The following DENND1B variants were observed in gnomAD, a reference collection of about 807,000 sequenced individuals.
DENND1B encodes the protein DENN domain-containing protein 1B.
Under a neutral mutation model 90.1 loss-of-function variants are expected in DENND1B, and 59 were observed. The ratio of observed to expected loss-of-function variants is 0.65; its 90% CI spans 0.53 to 0.81. The LOEUF (loss-of-function observed/expected upper bound fraction) is 0.81. DENND1B is among the 40% of genes least tolerant of loss of function. The pLI, the probability that DENND1B is intolerant of heterozygous loss-of-function variation, is 0.00. For synonymous variants in DENND1B, 337 were observed against 324.6 expected, an observed-to-expected ratio of 1.04 and a Z score of -0.41; for missense variants, 862 against 912.6, an observed-to-expected ratio of 0.94 and a Z score of 0.71.
intron 2 of DENND1B, among the ~76,000 whole-genome samples, chr1:197,725,285 T>C (rs1430171209): frequency 6.6e-6 from 1 of 151,960 alleles, no homozygotes; most frequent in Non-Finnish European, 1.5e-5. Flanking sequence ...ATAGCAGCAA[T>C]GGAAGCCAGA....
chr1:197,781,012 C>T, the DENND1B span, among the ~76,000 whole-genome samples: 7 of 152,122 alleles, frequency 4.6e-5, no homozygotes, highest in Non-Finnish European at 8.8e-5. Flanking sequence ...TTCATTGAAT[C>T]CTTGTAGTAA....
At chr1:197,565,871 T>G (rs1571898441) in intron 15 of DENND1B, among the ~76,000 whole-genome samples, 1 of 149,524 alleles carries the variant, frequency 6.7e-6, no homozygotes, top group East Asian at 2.0e-4. Flanking sequence ...TGCCACATTT[T>G]CTTAATCCAG....
chr1:197,570,244 A>G (rs2125730078), intron 15 of DENND1B, among the ~76,000 whole-genome samples: 1 of 151,754 alleles, frequency 6.6e-6, no homozygotes, highest in East Asian at 1.9e-4. Context: ...AAAAAAAAAA[A>G]TTTAAACCAG....
chr1:197,529,352 A>T (rs1371079183), intron 20 of DENND1B, among the ~76,000 whole-genome samples: 1 of 147,728 alleles, frequency 6.8e-6, no homozygotes, highest in African/African-American at 2.5e-5. Context: ...GTGTGTGTGC[A>T]CGCGCGCACA....
intron 20 of DENND1B, 47 bp downstream of exon 20, chr1:197,539,917 T>C (rs533148355): frequency 5.7e-6 from 8 of 1,415,922 alleles, no homozygotes; most frequent in South Asian, 1.2e-5. Flanking sequence ...ACTGGAATTA[T>C]ATAATTTGAG....
Position 197,645,407 on chromosome 1 carries a change from T to C in DENND1B, c.561+283A>G, listed in dbSNP as rs914439061. Among the ~76,000 whole-genome samples the C allele has an allele frequency of 3.9e-5, 6 of 152,182 alleles. No individual in the cohort carries two copies. In the South Asian group the frequency reaches 1.0e-3, roughly 26 times the overall value. ...AGCTGAAGACCTAATTGAATATATA[T>C]ATGATCCTACCTAATTACTACAAAT... On this transcript the variant is annotated intron_variant, in intron 9 of 22. Transcript: ENST00000620048.
intron 6 of DENND1B, among the ~76,000 whole-genome samples, chr1:197,653,372 A>G (rs1383287956): frequency 1.3e-5 from 2 of 152,118 alleles, no homozygotes; most frequent in Admixed American, 6.5e-5. Context: ...CTTTTAAACA[A>G]TGAAGTATAC....
chr1:197,582,949 G>A (rs1237869260), intron 15 of DENND1B, among the ~76,000 whole-genome samples: 3 of 152,104 alleles, frequency 2.0e-5, no homozygotes, highest in African/African-American at 7.2e-5. Context: ...CACATTTGAT[G>A]AGAAATTTTT....
At chr1:197,770,749 TATAA>T (rs1457076034) in intron 2 of DENND1B, among the ~76,000 whole-genome samples, 7 of 141,514 alleles carry the variant, frequency 4.9e-5, no homozygotes, top group Non-Finnish European at 1.1e-4. Flanking sequence ...TATATATATC[TATAA>T]ATATATATAA....
At chr1:197,578,212 C>G (rs1055843499) in intron 15 of DENND1B, among the ~76,000 whole-genome samples, 7 of 151,682 alleles carry the variant, frequency 4.6e-5, no homozygotes, top group African/African-American at 1.7e-4. Flanking sequence ...TTCAAAATTG[C>G]TAAAAGAGTA....
intron 13 of DENND1B, among the ~76,000 whole-genome samples, chr1:197,597,779 G>T (rs1187218211): frequency 6.6e-6 from 1 of 151,760 alleles, no homozygotes; most frequent in Non-Finnish European, 1.5e-5. Flanking sequence ...AATAGGAAAA[G>T]AATGTACCTG....
At chr1:197,512,346 A>G (rs983639346) in intron 21 of DENND1B, among the ~76,000 whole-genome samples, 2 of 151,738 alleles carry the variant, frequency 1.3e-5, no homozygotes, top group African/African-American at 4.8e-5. Context: ...CTTTACATAG[A>G]CAGAGATATA....
At chr1:197,594,898 G>T (rs896014621) in intron 14 of DENND1B, among the ~76,000 whole-genome samples, 6 of 152,050 alleles carry the variant, frequency 3.9e-5, no homozygotes, top group African/African-American at 7.2e-5. Context: ...ACAAGATCAG[G>T]TAAGTGTTTT....
intron 2 of DENND1B, among the ~76,000 whole-genome samples, chr1:197,757,656 C>T (rs905434855): frequency 6.6e-6 from 1 of 152,140 alleles, no homozygotes; most frequent in East Asian, 1.9e-4. Flanking sequence ...AGATTTATAT[C>T]AATGATATAA....
intron 14 of DENND1B, among the ~76,000 whole-genome samples, chr1:197,594,973 A>G (rs1675555881): frequency 1.3e-5 from 2 of 152,144 alleles, no homozygotes; most frequent in African/African-American, 4.8e-5. Context: ...GAGCATTAAT[A>G]ATGTAACACA....
intron 15 of DENND1B, among the ~76,000 whole-genome samples, chr1:197,571,900 T>C (rs1391763298): frequency 1.3e-5 from 2 of 152,134 alleles, no homozygotes; most frequent in Non-Finnish European, 2.9e-5. Context: ...TAACATGGGA[T>C]AAATGCTACA....
intron 2 of DENND1B, among the ~76,000 whole-genome samples, chr1:197,763,387 T>C (rs1326408658): frequency 6.6e-6 from 1 of 152,216 alleles, no homozygotes; most frequent in Non-Finnish European, 1.5e-5. Context: ...ATTAAGCCCA[T>C]AATACCCTAC....
chr1:197,576,404 C>A (rs1230248020), intron 15 of DENND1B, among the ~76,000 whole-genome samples: 2 of 152,104 alleles, frequency 1.3e-5, no homozygotes, highest in South Asian at 4.1e-4. Flanking sequence ...GGATTCCAAG[C>A]CAATATTCTT....
chr1:197,592,223 A>G (rs1675302300), intron 14 of DENND1B, among the ~76,000 whole-genome samples: 2 of 151,226 alleles, frequency 1.3e-5, no homozygotes, highest in African/African-American at 2.4e-5. Context: ...CCTAAGCCCC[A>G]CTCTTCACTA....
Sources: allele counts gnomAD v4.1 joint callset (sites outside exome capture counted in the v4.1 genomes callset), GRCh38; gene constraint gnomAD v4.1.1; transcripts MANE v1.5; gene names NCBI Gene and HGNC (gene_info 2026-07-23, HGNC 2026-07-21).